Variants in GPC5 observed in about 807,000 individuals in gnomAD.
GPC5 encodes glypican-5.
In GPC5, 47 loss-of-function variants were observed where a neutral mutation model predicts 53.9. That is an observed-to-expected ratio of 0.87 (90% CI 0.69 to 1.11). The LOEUF is 1.11. GPC5 is among the 50% of genes most tolerant of loss of function. GPC5 has a pLI of 0.00. For missense variants in GPC5, 748 were observed against 713.1 expected (o/e 1.05, Z -0.56); for synonymous variants, 286 against 263.3 (o/e 1.09, Z -0.84).
At chr13:92,236,445 G>A (rs1319767049) in intron 7 of GPC5, among the ~76,000 whole-genome samples, 1 of 152,016 alleles carries the variant, frequency 6.6e-6, no homozygotes, top group African/African-American at 2.4e-5. Flanking sequence ...ATTATGAAGA[G>A]GGTGGTATAG....
chr13:91,647,356 G>A (rs1326764155), intron 2 of GPC5, among the ~76,000 whole-genome samples: 1 of 152,084 alleles, frequency 6.6e-6, no homozygotes, highest in Non-Finnish European at 1.5e-5. Context: ...GTTTCTTGTC[G>A]TTATTTAAAA....
At chr13:91,997,804 G>A (rs1018570513) in intron 6 of GPC5, among the ~76,000 whole-genome samples, 4 of 152,170 alleles carry the variant, frequency 2.6e-5, no homozygotes, top group African/African-American at 9.7e-5. Context: ...ACAGGCGTGA[G>A]CCACCACACC....
intron 7 of GPC5, among the ~76,000 whole-genome samples, chr13:92,541,925 G>T (rs1881943082): frequency 6.6e-6 from 1 of 151,718 alleles, no homozygotes; most frequent in African/African-American, 2.4e-5. Flanking sequence ...TAGATTAAAT[G>T]ACTAAATATT....
chr13:92,321,489 C>A (rs1199106505), intron 7 of GPC5, among the ~76,000 whole-genome samples: 2 of 151,976 alleles, frequency 1.3e-5, no homozygotes, highest in Non-Finnish European at 2.9e-5. Flanking sequence ...TACTCAGGAG[C>A]CTGACTCAGG....
chr13:91,462,754 C>T (rs1418900818), intron 2 of GPC5, among the ~76,000 whole-genome samples: 1 of 151,958 alleles, frequency 6.6e-6, no homozygotes, highest in East Asian at 1.9e-4. Flanking sequence ...ATGATAAATG[C>T]TGTGTTCACA....
chr13:91,922,896 C>T (rs570407496), intron 6 of GPC5, among the ~76,000 whole-genome samples: 1 of 151,942 alleles, frequency 6.6e-6, no homozygotes, highest in South Asian at 2.1e-4. Context: ...CTCCTAAATG[C>T]TCTGGAGAAA....
At chr13:91,877,901 T>A (rs915154922) in intron 5 of GPC5, among the ~76,000 whole-genome samples, 4 of 152,184 alleles carry the variant, frequency 2.6e-5, no homozygotes, top group African/African-American at 9.7e-5. Flanking sequence ...TGGGGGCCGG[T>A]CTTTCCTGTG....
intron 6 of GPC5, among the ~76,000 whole-genome samples, chr13:92,055,553 G>A (rs946029355): frequency 1.3e-5 from 2 of 152,118 alleles, no homozygotes; most frequent in Admixed American, 6.6e-5. Context: ...AAGTCCTTGA[G>A]ATCTCAAAAG....
At chr13:91,494,778 C>G (rs1050482165) in intron 2 of GPC5, among the ~76,000 whole-genome samples, 6 of 152,120 alleles carry the variant, frequency 3.9e-5, no homozygotes, top group South Asian at 4.1e-4. Flanking sequence ...TTTTCTCCCC[C>G]CTTATTGACT....
intron 7 of GPC5, among the ~76,000 whole-genome samples, chr13:92,355,419 C>A (rs190217324): frequency 2.8e-4 from 43 of 152,216 alleles, no homozygotes; most frequent in Middle Eastern, 3.4e-3. Flanking sequence ...CCTTGTCTTC[C>A]CAACCACCAG....
At chr13:91,503,036 T>C (rs1884732728) in intron 2 of GPC5, among the ~76,000 whole-genome samples, 1 of 151,948 alleles carries the variant, frequency 6.6e-6, no homozygotes, top group Admixed American at 6.6e-5. Context: ...AAAATAGTAA[T>C]GAAGTCTAGA....
At chr13:92,694,567 C>G (rs925679311) in intron 7 of GPC5, among the ~76,000 whole-genome samples, 2 of 152,170 alleles carry the variant, frequency 1.3e-5, no homozygotes, top group Admixed American at 1.3e-4. Context: ...CCTGTCATCC[C>G]TTTACTTTGG....
intron 1 of GPC5, among the ~76,000 whole-genome samples, chr13:91,421,766 T>A (rs1197435548): frequency 1.3e-5 from 2 of 152,170 alleles, no homozygotes; most frequent in Non-Finnish European, 2.9e-5. Context: ...GGCTCAGAAT[T>A]ATAGAAGCCT....
intron 4 of GPC5, among the ~76,000 whole-genome samples, chr13:91,749,563 T>A (rs2037125227): frequency 6.6e-6 from 1 of 152,168 alleles, no homozygotes; most frequent in African/African-American, 2.4e-5. Context: ...GCTGGGATAG[T>A]GGAATTTCCA....
chr13:91,459,574 G>C (rs1881796267), intron 2 of GPC5, among the ~76,000 whole-genome samples: 1 of 119,460 alleles, frequency 8.4e-6, no homozygotes, highest in African/African-American at 3.3e-5. Context: ...CCAGGCTGTA[G>C]GAGGGGCTTC....
chr13:91,662,452 G>C (rs116455168), intron 2 of GPC5, among the ~76,000 whole-genome samples: 2,036 of 152,208 alleles, frequency 0.013, 39 homozygotes, highest in African/African-American at 0.046. Flanking sequence ...GAATTGGAAA[G>C]AGAATTGGAG....
At chr13:92,365,175 G>A (rs35330829) in intron 7 of GPC5, among the ~76,000 whole-genome samples, 1,539 of 151,828 alleles carry the variant, frequency 0.01, 30 homozygotes, top group Middle Eastern at 0.041. Flanking sequence ...AGGGCACTAC[G>A]TACCCAGGCT....
chr13:91,448,696 A>G, intron 1 of GPC5, 65 bp from the exon 2 acceptor site: 1 of 1,530,188 alleles, frequency 6.5e-7, no homozygotes, highest in Non-Finnish European at 8.9e-7. Context: ...ATAACGCCTG[A>G]TATATAATAT....
At chr13:91,776,553 A>T (rs1209109371) in intron 5 of GPC5, among the ~76,000 whole-genome samples, 1 of 152,194 alleles carries the variant, frequency 6.6e-6, no homozygotes, top group African/African-American at 2.4e-5. Flanking sequence ...CAGAAATAAA[A>T]AACTAAAGAT....
Sources: gnomAD v4.1 joint callset for allele counts (sites outside exome capture counted in the v4.1 genomes callset) on GRCh38, gnomAD v4.1.1 for gene constraint, MANE v1.5 for transcripts, NCBI Gene and HGNC (gene_info 2026-07-23, HGNC 2026-07-21) for gene names.